Variants in ARMC8 observed in about 807,000 individuals in gnomAD.
The protein encoded by ARMC8 is armadillo repeat-containing protein 8.
Under a neutral mutation model 99.3 loss-of-function variants are expected in ARMC8, and 20 were observed. That is an observed-to-expected ratio of 0.20 (90% CI 0.14 to 0.29). The LOEUF (loss-of-function observed/expected upper bound fraction) is 0.29, where lower values mean the gene tolerates loss of function less well. Ranked by LOEUF, ARMC8 falls within the 10% of genes least tolerant of loss-of-function variation. ARMC8 has a pLI of 1.00. For synonymous variants in ARMC8, 263 were observed against 278.3 expected, an observed-to-expected ratio of 0.95 and a Z score of 0.55; for missense variants, 569 against 809.5, an observed-to-expected ratio of 0.70 and a Z score of 3.60.
At chr3:138,218,525 C>G (rs1158694503) in intron 2 of ARMC8, among the ~76,000 whole-genome samples, 2 of 152,136 alleles carry the variant, frequency 1.3e-5, no homozygotes, top group Non-Finnish European at 2.9e-5. Context: ...TCCTTTTGTC[C>G]TCCCATCTGC....
At chr3:138,290,406 C>T (rs2050824315) in intron 20 of ARMC8, 140 bp from the exon 21 acceptor site, 2 of 636,834 alleles carry the variant, frequency 3.1e-6, no homozygotes, top group Non-Finnish European at 5.5e-6. Flanking sequence ...GGTCCAACTA[C>T]ATTGGGAGAG....
chr3:138,232,942 A>G (rs2046132547), intron 6 of ARMC8, among the ~76,000 whole-genome samples: 1 of 152,230 alleles, frequency 6.6e-6, no homozygotes, highest in African/African-American at 2.4e-5. Context: ...TGGGTTGTCA[A>G]AATTGATAAG....
Position 138,284,526 on chromosome 3 carries a change from G to T in ARMC8, c.1821G>T (p.Met607Ile). 1 of 1,604,176 alleles carries T rather than the reference G, an allele frequency of 6.2e-7. No homozygotes were observed. The highest frequency in any genetic ancestry group is 8.5e-7 in the Non-Finnish European group (1 of 1,171,162). Reference sequence around the variant, plus strand: ...TCCTACAGAAAATCAAGTATTACATGGTGAGCCCTTGTCCCCTTTCACCGT... The same window carrying T: ...TCCTACAGAAAATCAAGTATTACATTGTGAGCCCTTGTCCCCTTTCACCGT... ...DDILQKIKYY[M>I]GHSHVKLQLA... Residue 607 changes from methionine to isoleucine, a missense_variant and splice_region_variant, in exon 19 of 22, where the codon ATG becomes ATT. Physicochemically the swap from Met to Ile is conservative, Grantham distance 10. Coordinates refer to ENST00000469044, the MANE Select transcript of ARMC8 (RefSeq NM_001363941.2).
chr3:138,206,918 C>G (rs1325031261), intron 1 of ARMC8, among the ~76,000 whole-genome samples: 1 of 152,212 alleles, frequency 6.6e-6, no homozygotes, highest in South Asian at 2.1e-4. Context: ...ATGCAAGGCT[C>G]TGCCTTAATG....
At chr3:138,272,773 A>G (rs1041070317) in intron 16 of ARMC8, among the ~76,000 whole-genome samples, 194 bp from the exon 17 acceptor site, 1 of 152,064 alleles carries the variant, frequency 6.6e-6, no homozygotes, top group Non-Finnish European at 1.5e-5. Context: ...TACTCAGGAG[A>G]CTGAGGCAGA....
rs376816457 is a variant in ARMC8, at chr3:138,237,401, A to G, written c.685+17A>G. 10 of 1,612,212 alleles carry G rather than the reference A, an allele frequency of 6.2e-6. No individual in the cohort carries two copies. In the Middle Eastern group the frequency reaches 4.9e-4, roughly 80 times the overall value. On this transcript the variant is annotated intron_variant, in intron 8 of 21. Coordinates refer to ENST00000469044, the MANE Select transcript of ARMC8 (RefSeq NM_001363941.2). Reference sequence around the variant, plus strand: ...TGGTAAATGGTAGGCTGGAGCTTTCAGTGGCACCTACATGATTTAATTGAT... The same window carrying G: ...TGGTAAATGGTAGGCTGGAGCTTTCGGTGGCACCTACATGATTTAATTGAT...
intron 12 of ARMC8, among the ~76,000 whole-genome samples, chr3:138,259,217 G>C (rs574241969): frequency 1.3e-5 from 2 of 152,324 alleles, no homozygotes; most frequent in Non-Finnish European, 2.9e-5. Flanking sequence ...TTGAAAAGCT[G>C]TCTGGTGCAC....
At chr3:138,273,203 T>A (rs1321794222) in intron 17 of ARMC8, 87 bp downstream of exon 17, 2 of 1,347,512 alleles carry the variant, frequency 1.5e-6, no homozygotes, top group Middle Eastern at 1.9e-4. Context: ...CTCATTAACA[T>A]CTGCCCATGA....
chr3:138,271,100 C>T (rs564669854), intron 16 of ARMC8, among the ~76,000 whole-genome samples: 1 of 152,258 alleles, frequency 6.6e-6, no homozygotes, highest in East Asian at 1.9e-4. Flanking sequence ...TCTCCCTGTT[C>T]CATGCTATAT....
intron 1 of ARMC8, among the ~76,000 whole-genome samples, chr3:138,207,252 C>T (rs777739761): frequency 3.3e-5 from 5 of 152,134 alleles, no homozygotes; most frequent in Admixed American, 6.6e-5. Context: ...TCCTCAGTGC[C>T]GCCTTTATGT....
rs1267072250 is a variant in ARMC8, at chr3:138,187,511, GC to G, written c.-39del. 2.0e-6 allele frequency: 3 copies of G among 1,534,296 alleles called. No homozygotes were observed. The highest frequency in any genetic ancestry group is 2.4e-5 in the East Asian group (1 of 40,866). On this transcript the variant is annotated 5_prime_UTR_variant, in exon 1 of 22. Transcript: ENST00000469044. ...CAATAGTTGGCTGTCGAAAGTGCCGGCCCCCGCGCCGGCGCCTGCAGCAGCC... is the reference window on the plus strand; with the variant it reads ...CAATAGTTGGCTGTCGAAAGTGCCGGCCCCGCGCCGGCGCCTGCAGCAGCC...
chr3:138,209,672 T>C, intron 1 of ARMC8, 145 bp from the exon 2 acceptor site: 1 of 646,852 alleles, frequency 1.5e-6, no homozygotes, highest in East Asian at 2.8e-5. Flanking sequence ...TCCCATATCA[T>C]GAGGAGGCAA....
chr3:138,200,941 C>T (rs1402332061), intron 1 of ARMC8, among the ~76,000 whole-genome samples: 4 of 102,152 alleles, frequency 3.9e-5, no homozygotes, highest in African/African-American at 1.6e-4. Flanking sequence ...GAAATGGAGT[C>T]TCCCTCTGTT....
intron 12 of ARMC8, chr3:138,245,570 A>G (rs1009106035): frequency 1.7e-5 from 18 of 1,056,376 alleles, no homozygotes; most frequent in Admixed American, 5.1e-5. Context: ...AATGCTATTG[A>G]GAAATTCAAA....
chr3:138,224,987 C>G (rs554895428), intron 5 of ARMC8, among the ~76,000 whole-genome samples: 1 of 152,132 alleles, frequency 6.6e-6, no homozygotes, highest in Non-Finnish European at 1.5e-5. Flanking sequence ...GGTTGAAATC[C>G]AGCAGAGTAG....
intron 1 of ARMC8, chr3:138,188,637 G>C: frequency 7.0e-7 from 1 of 1,432,534 alleles, no homozygotes; most frequent in Non-Finnish European, 9.8e-7. Flanking sequence ...GAGGGTAGTT[G>C]GATTATAAAT....
intron 1 of ARMC8, chr3:138,188,445 C>T (rs2043199061): frequency 6.2e-7 from 1 of 1,602,892 alleles, no homozygotes; most frequent in Non-Finnish European, 8.5e-7. Flanking sequence ...CTATGTTGCT[C>T]TTGAACCAGG....
intron 19 of ARMC8, 148 bp from the exon 20 acceptor site, chr3:138,288,900 G>C: frequency 6.6e-6 from 4 of 603,722 alleles, no homozygotes; most frequent in Non-Finnish European, 1.2e-5. Context: ...GTCTCCCAAA[G>C]TGCTGGGATT....
intron 12 of ARMC8, among the ~76,000 whole-genome samples, chr3:138,248,351 G>A (rs893482546): frequency 6.6e-6 from 1 of 152,096 alleles, no homozygotes. Context: ...GTGGAAGAAG[G>A]GTCCAGAACA....
Sources: gnomAD v4.1 joint callset for allele counts (sites outside exome capture counted in the v4.1 genomes callset) on GRCh38, gnomAD v4.1.1 for gene constraint, MANE v1.5 for transcripts, NCBI Gene and HGNC (gene_info 2026-07-23, HGNC 2026-07-21) for gene names.